Variants in CDH16 observed in about 807,000 individuals in gnomAD.
The protein encoded by CDH16 is cadherin-16.
Under a neutral mutation model 87.6 loss-of-function variants are expected in CDH16, and 79 were observed. That is an observed-to-expected ratio of 0.90 (90% CI 0.75 to 1.09). The LOEUF (loss-of-function observed/expected upper bound fraction) is 1.09. CDH16 is among the 50% of genes least tolerant of loss of function. The pLI, the probability that CDH16 is intolerant of heterozygous loss-of-function variation, is 0.00. For synonymous variants in CDH16, 457 were observed against 439.5 expected, an observed-to-expected ratio of 1.04 and a Z score of -0.50; for missense variants, 1,124 against 1,071.7, an observed-to-expected ratio of 1.05 and a Z score of -0.68.
chr16:66,914,999 C>T (rs530837783), intron 6 of CDH16, among the ~76,000 whole-genome samples: 4 of 152,230 alleles, frequency 2.6e-5, no homozygotes, highest in South Asian at 4.1e-4. Flanking sequence ...CCCAGGTCTC[C>T]GTGGAGTGTG....
At chr16:66,917,869 C>A in intron 2 of CDH16, 144 bp from the exon 3 acceptor site, 1 of 970,928 alleles carries the variant, frequency 1.0e-6, no homozygotes, top group Non-Finnish European at 1.5e-6. Flanking sequence ...TTGACCTCCT[C>A]ATCCCACAGT....
intron 3 of CDH16, 120 bp downstream of exon 3, chr16:66,917,522 A>G: frequency 2.7e-6 from 2 of 751,050 alleles, no homozygotes; most frequent in Non-Finnish European, 4.8e-6. Context: ...TAACGTGTAC[A>G]TACTCTCTGG....
rs931190424 is a variant in CDH16, at chr16:66,913,575, C to T, written c.819G>A (p.Glu273=). The change falls in exon 8 of 18, where the codon GAG becomes GAA. Residue 273 remains glutamate, a synonymous_variant. Transcript: ENST00000299752. Reference sequence around the variant, plus strand: ...CTTCAAAGGGTCCCGGGGGATGGCTCTCCAGGTGATAGTGCACATCACCCC... The same window carrying T: ...CTTCAAAGGGTCCCGGGGGATGGCTTTCCAGGTGATAGTGCACATCACCCC... ...WSGGDVHYHL[E]SHPPGPFEVN... The T allele has an allele frequency of 5.0e-6, 8 of 1,614,010 alleles. No individual in the cohort carries two copies. The highest frequency in any genetic ancestry group is 6.8e-6 in the Non-Finnish European group (8 of 1,180,008).
chr16:66,916,001 G>T lies in CDH16; in HGVS notation c.424+64C>A. 1.9e-6 allele frequency: 3 copies of T among 1,594,448 alleles called. No individual in the cohort carries two copies. The highest frequency in any genetic ancestry group is 1.1e-5 in the South Asian group (1 of 90,066). ...ATGCCAACTGTCTGGCCATCTCTTCGCTCTCTGCTGTTCCATCAAGGCCCA... is the reference window on the plus strand; with the variant it reads ...ATGCCAACTGTCTGGCCATCTCTTCTCTCTCTGCTGTTCCATCAAGGCCCA... On this transcript the variant is annotated intron_variant, in intron 5 of 17. Transcript: ENST00000299752. The surrounding 1 kb of genome is among the most constrained non-coding windows in gnomAD (Gnocchi z 4.1).
rs148428262 is a variant in CDH16 at position 66,913,222 on chromosome 16, C to G, written c.963G>C (p.Glu321Asp). Residue 321 changes from glutamate to aspartate, a missense_variant, in exon 9 of 18, where the codon GAG becomes GAC. Transcript: ENST00000299752. ...SHGEDYAAPL[E>D]LHVLVMDEND... ...TCTCATCCATCACCAGCACGTGCAG[C>G]TCCAGAGGGGCCGCATAGTCCTCGC... is the stretch of plus-strand genomic sequence containing the variant. The G allele has an allele frequency of 3.1e-6, 5 of 1,592,732 alleles. No homozygotes were observed. The highest frequency in any genetic ancestry group is 4.3e-6 in the Non-Finnish European group (5 of 1,170,026).
rs1962681742 is a variant in CDH16 at position 66,916,286 on chromosome 16, C to A, written c.273G>T (p.Glu91Asp). ...GGCCCAGCCATACCTGTAGCTGGTA[C>A]TCTGCCTGCTCCTCTCGGTCCAGGG... ...TRALDREEQA[E>D]YQLQVTLEMQ... Residue 91 changes from glutamate (E) to aspartate (D), a missense_variant, in exon 4 of 18, where the codon GAG (glutamate) becomes GAT (aspartate). By Grantham distance (45) the Glu-to-Asp change is conservative. Coordinates refer to ENST00000299752, the MANE Select transcript of CDH16 (RefSeq NM_004062.4). This position sits in a 1 kb window ranked among gnomAD's most constrained non-coding sequence, Gnocchi z 4.1. 4.3e-6 allele frequency: 7 copies of A among 1,613,634 alleles called. No individual in the cohort carries two copies. Among genetic ancestry groups the A allele is most frequent in the Non-Finnish European group, 5.9e-6 (7 of 1,179,546 alleles).
In CDH16 at chr16:66,913,632, G is replaced by A. The variant is rs900874140; in HGVS notation, c.781-19C>T. 1.2e-6 allele frequency: 2 copies of A among 1,613,192 alleles called. No individual in the cohort carries two copies. Among genetic ancestry groups the A allele is most frequent in the Middle Eastern group, 1.7e-4 (1 of 6,026 alleles). ...AGTGTACCTGGGGGGGACACCCCGG[G>A]CCAAGGGGCAGGAACAATCCATGTC... On this transcript the variant is annotated intron_variant, in intron 7 of 17. Transcript: ENST00000299752.
rs375945426 is a variant in CDH16 at position 66,915,211 on chromosome 16, C to T, written c.583+9G>A. ...CCCTCCCTCCCCAGCACACCCCGCT[C>T]GGGCTTACCCTTGGGGCTGAGGGCC... is the stretch of plus-strand genomic sequence containing the variant. On this transcript the variant is annotated intron_variant, in intron 6 of 17. Coordinates refer to ENST00000299752, the MANE Select transcript of CDH16 (RefSeq NM_004062.4). 1.1e-5 allele frequency: 18 copies of T among 1,599,866 alleles called. No individual in the cohort carries two copies. The highest frequency in any genetic ancestry group is 5.2e-5 in the Admixed American group (3 of 57,948).
In CDH16 at chr16:66,911,236, G is replaced by C. The variant is rs143791536; in HGVS notation, c.1870C>G (p.Gln624Glu). The C allele has an allele frequency of 6.2e-7, 1 of 1,613,382 alleles. No homozygotes were observed. The highest frequency in any genetic ancestry group is 8.5e-7 in the Non-Finnish European group (1 of 1,179,840). The change falls in exon 14 of 18, where the codon CAG becomes GAG. Residue 624 changes from glutamine to glutamate, a missense_variant. Coordinates refer to ENST00000299752, the MANE Select transcript of CDH16 (RefSeq NM_004062.4). ...TAGGTGTCCCCAGGCTGGGCGCCCT[G>C]CAGGGACTGGGCGGTGTGCACCTCC... Reference protein sequence around the residue: ...SGEVHTAQSLQGAQPGDTYTV... With the variant: ...SGEVHTAQSLEGAQPGDTYTV...
chr16:66,912,084 C>A lies in CDH16; in HGVS notation c.1605G>T (p.Val535=). 6.2e-7 allele frequency: 1 copy of A among 1,614,008 alleles called. No homozygotes were observed. Among genetic ancestry groups the A allele is most frequent in the Non-Finnish European group, 8.5e-7 (1 of 1,179,988 alleles). ...CTGGGCCTGGCCCCACCAGCTTCGCCACACTCTGCACCACCACCACCACCT... is the reference window on the plus strand; with the variant it reads ...CTGGGCCTGGCCCCACCAGCTTCGCAACACTCTGCACCACCACCACCACCT... The part of the protein sequence containing the change: ...SHEVVVVVQS[V]AKLVGPGPGP... Residue 535 remains valine (V), a synonymous_variant, in exon 13 of 18, where the codon GTG becomes GTT. Coordinates refer to ENST00000299752, the MANE Select transcript of CDH16 (RefSeq NM_004062.4).
Position 66,913,171 on chromosome 16 carries a change from G to C in CDH16, c.1014C>G (p.Pro338=). Residue 338 remains proline (P), a synonymous_variant, in exon 9 of 18, where the codon CCC becomes CCG. Coordinates refer to ENST00000299752, the MANE Select transcript of CDH16 (RefSeq NM_004062.4). ...CAGGGATGCTGACTGTGGGGTCACG[G>C]GGAGGGCAGATAGGCACGTTGTCAT... The part of the protein sequence containing the change: ...DENDNVPICP[P]RDPTVSIPEL... 1 of 1,609,938 alleles carries C rather than the reference G, an allele frequency of 6.2e-7. No homozygotes were observed. Among genetic ancestry groups the C allele is most frequent in the Non-Finnish European group, 8.5e-7 (1 of 1,178,074 alleles).
chr16:66,909,271 T>G lies in CDH16; in HGVS notation c.2388A>C (p.Ala796=). The change falls in exon 17 of 18, where the codon GCA becomes GCC. Residue 796 remains alanine (A), a synonymous_variant. Transcript: ENST00000299752. This position sits in a 1 kb window ranked among gnomAD's most constrained non-coding sequence, Gnocchi z 4.1. The part of the protein sequence containing the change: ...AVGILVGTLV[A]IGIFLILIFT... Reference sequence around the variant, plus strand: ...GTAATGTCCAACCTCCATTACCTATTGCTACCAGGGTGCCTACAAGGATGC... The same window carrying G: ...GTAATGTCCAACCTCCATTACCTATGGCTACCAGGGTGCCTACAAGGATGC... 1 of 1,604,500 alleles carries G rather than the reference T, an allele frequency of 6.2e-7. No homozygotes were observed.
chr16:66,912,475 C>T, intron 11 of CDH16, 29 bp downstream of exon 11: 2 of 1,614,150 alleles, frequency 1.2e-6, no homozygotes, highest in South Asian at 2.2e-5. Context: ...AGCATCCTTC[C>T]CAAGGCCTTC....
In CDH16 at chr16:66,912,236, C is replaced by A; in HGVS notation, c.1548+6G>T. On this transcript the variant is annotated splice_donor_region_variant and intron_variant, in intron 12 of 17. Coordinates refer to ENST00000299752, the MANE Select transcript of CDH16 (RefSeq NM_004062.4). ...GGGCCCCTTTCCCAGCTACCCAGGC[C>A]CTCACCTTGCAGAGTCTGAGTCTAA... 1 of 1,604,392 alleles carries A rather than the reference C, an allele frequency of 6.2e-7. No individual in the cohort carries two copies. Among genetic ancestry groups the A allele is most frequent in the East Asian group, 2.2e-5 (1 of 44,722 alleles).
In CDH16 at chr16:66,912,377, C is replaced by A; in HGVS notation, c.1413G>T (p.Met471Ile). The A allele has an allele frequency of 6.2e-7, 1 of 1,614,178 alleles. No homozygotes were observed. The highest frequency in any genetic ancestry group is 8.5e-7 in the Non-Finnish European group (1 of 1,180,014). The change falls in exon 12 of 18, where the codon ATG becomes ATT. Residue 471 changes from methionine (M) to isoleucine (I), a missense_variant. Transcript: ENST00000299752. ...CGAGGTCAGCATCAATGGCTGTTAG[C>A]ATGGCCACCAGAGTCCCGGGCTCCA... ...EDVEPGTLVA[M>I]LTAIDADLEP...
intron 14 of CDH16, 58 bp downstream of exon 14, chr16:66,911,120 GCTGT>G (rs1189191850): frequency 2.7e-5 from 41 of 1,526,234 alleles, no homozygotes; most frequent in East Asian, 4.7e-5. Context: ...GCTCAGTCCT[GCTGT>G]CTGTCTGTCT....
chr16:66,916,540 T>C lies in CDH16; in HGVS notation c.130-111A>G. On this transcript the variant is annotated intron_variant, in intron 3 of 17. Coordinates refer to ENST00000299752, the MANE Select transcript of CDH16 (RefSeq NM_004062.4). This position sits in a 1 kb window ranked among gnomAD's most constrained non-coding sequence, Gnocchi z 4.1. ...GGGGAAACTGAGTCTCAGAGACATC[T>C]GGCTCCTGTCAGAGGTCACACAGCC... 3.9e-6 allele frequency: 5 copies of C among 1,268,294 alleles called. No homozygotes were observed. The South Asian group carries it at 4.7e-5, about 12-fold the overall frequency. 78.6% of individuals were successfully genotyped at this position (1,268,294 alleles called of 1,614,324 possible).
chr16:66,913,173 G>A lies in CDH16; in HGVS notation c.1012C>T (p.Pro338Ser), dbSNP rs1237726025. ...DENDNVPICP[P>S]RDPTVSIPEL... ...GGGATGCTGACTGTGGGGTCACGGG[G>A]AGGGCAGATAGGCACGTTGTCATTC... The change falls in exon 9 of 18, where the codon CCC (proline) becomes TCC (serine). Residue 338 changes from proline (P) to serine (S), a missense_variant. Coordinates refer to ENST00000299752, the MANE Select transcript of CDH16 (RefSeq NM_004062.4). 6.2e-7 allele frequency: 1 copy of A among 1,609,792 alleles called. No homozygotes were observed. Among genetic ancestry groups the A allele is most frequent in the Admixed American group, 1.7e-5 (1 of 59,356 alleles).
intron 14 of CDH16, 106 bp downstream of exon 14, chr16:66,911,076 G>A: frequency 8.8e-7 from 1 of 1,131,508 alleles, no homozygotes; most frequent in Non-Finnish European, 1.2e-6. Context: ...CCTGCTTGGG[G>A]CTGGGGGTTG....
Sources: allele counts gnomAD v4.1 joint callset (sites outside exome capture counted in the v4.1 genomes callset), GRCh38; gene constraint gnomAD v4.1.1; non-coding constraint Gnocchi (gnomAD v3.1); transcripts MANE v1.5; gene names NCBI Gene and HGNC (gene_info 2026-07-23, HGNC 2026-07-21).